TESMIN: variants seen among roughly 807,000 people sequenced by gnomAD.
TESMIN encodes CXC domain containing 2.
Under a neutral mutation model 47.4 loss-of-function variants are expected in TESMIN, and 34 were observed. The observed-to-expected ratio is 0.72, with a 90% CI of 0.55 to 0.96. The LOEUF (loss-of-function observed/expected upper bound fraction) is 0.96, where lower values mean the gene tolerates loss of function less well. Ranked by LOEUF, TESMIN falls within the 40% of genes least tolerant of loss-of-function variation. The pLI is 0.00. For synonymous variants in TESMIN, 278 were observed against 258.9 expected, an observed-to-expected ratio of 1.07 and a Z score of -0.71; for missense variants, 610 against 637.2, an observed-to-expected ratio of 0.96 and a Z score of 0.46.
At chr11:68,713,732 G>C (rs1488683055) in intron 7 of TESMIN, among the ~76,000 whole-genome samples, 1 of 152,008 alleles carries the variant, frequency 6.6e-6, no homozygotes, top group African/African-American at 2.4e-5. Flanking sequence ...GCATTTCTGG[G>C]GCCCTCTTTC....
chr11:68,746,340 T>C (rs1946520331), intron 3 of TESMIN, among the ~76,000 whole-genome samples: 2 of 152,202 alleles, frequency 1.3e-5, no homozygotes, highest in South Asian at 4.1e-4. Flanking sequence ...CTCATCCTGC[T>C]GACCTGCTTT....
intron 6 of TESMIN, chr11:68,736,419 A>G: frequency 1.0e-6 from 1 of 985,464 alleles, no homozygotes; most frequent in Non-Finnish European, 1.2e-6. Context: ...TATAGGTTAG[A>G]TATGGCTGAA....
At chr11:68,750,924 G>T (rs1395241032) in intron 1 of TESMIN, among the ~76,000 whole-genome samples, 1 of 136,252 alleles carries the variant, frequency 7.3e-6, no homozygotes, top group Non-Finnish European at 1.6e-5. Flanking sequence ...GACCAGATGA[G>T]GGGCGATTAG....
chr11:68,718,080 GCAGGCCCAGTCAGCCCACACCTCAGCTA>G (rs771333343), intron 6 of TESMIN, among the ~76,000 whole-genome samples: 9,538 of 150,956 alleles, frequency 0.063, 339 homozygotes, highest in Middle Eastern at 0.15. Context: ...CAGTGCACCT[GCAGGCCCAGTCAGCCCACACCTCAGCTA>G]CAGCCCCCAG....
intron 6 of TESMIN, among the ~76,000 whole-genome samples, chr11:68,728,333 T>C (rs1404850514): frequency 6.6e-6 from 1 of 152,174 alleles, no homozygotes; most frequent in Non-Finnish European, 1.5e-5. Context: ...GGACAAAGCC[T>C]AATCCAGAGC....
At chr11:68,738,629 A>G in intron 6 of TESMIN, 71 bp downstream of exon 6, 1 of 1,594,652 alleles carries the variant, frequency 6.3e-7, no homozygotes, top group Non-Finnish European at 8.5e-7. Flanking sequence ...TATAGAAGAA[A>G]ATCGTGAACG....
intron 6 of TESMIN, among the ~76,000 whole-genome samples, chr11:68,716,435 T>G (rs979349410): frequency 1.3e-5 from 2 of 152,232 alleles, no homozygotes; most frequent in African/African-American, 4.8e-5. Flanking sequence ...TTAACTCGCT[T>G]TCATTCTGTG....
At chr11:68,709,242 C>T (rs573795978) in intron 9 of TESMIN, among the ~76,000 whole-genome samples, 7 of 152,276 alleles carry the variant, frequency 4.6e-5, no homozygotes, top group South Asian at 2.1e-4. Flanking sequence ...GTGTCAAGCA[C>T]GTGGGCCAGG....
intron 9 of TESMIN, among the ~76,000 whole-genome samples, chr11:68,709,785 A>G (rs1351654657): frequency 1.3e-5 from 2 of 152,234 alleles, no homozygotes; most frequent in African/African-American, 4.8e-5. Context: ...CGGACTCCAC[A>G]GAACACACAT....
chr11:68,728,359 G>A (rs1347046485), intron 6 of TESMIN, among the ~76,000 whole-genome samples: 1 of 152,210 alleles, frequency 6.6e-6, no homozygotes, highest in Non-Finnish European at 1.5e-5. Flanking sequence ...CCTAATGCTT[G>A]TCAATTCCGT....
At chr11:68,749,095 G>A (rs1171220632) in intron 2 of TESMIN, among the ~76,000 whole-genome samples, 4 of 152,210 alleles carry the variant, frequency 2.6e-5, no homozygotes, top group African/African-American at 9.7e-5. Context: ...AGGAGGCGCT[G>A]GACACCAATC....
At position 68,715,780 on chromosome 11, in the gene TESMIN, C is replaced by T. The variant is rs555435969; in HGVS notation, c.1020+57G>A. 131 of 1,252,380 alleles carry T rather than the reference C, an allele frequency of 1.0e-4. No individual in the cohort carries two copies. The African/African-American group carries it at 1.9e-3, about 18-fold the overall frequency. The allele number at this position is 1,252,380 out of a possible 1,614,324, so 77.6% of individuals were successfully genotyped here. ...GAATCTCTGAAGGTGATTTTATGAA[C>T]ATCTCAAACAGTTTGAAATGCTTTT... is the stretch of plus-strand genomic sequence containing the variant. On this transcript the variant is annotated intron_variant, in intron 7 of 9. Transcript: ENST00000255087.
At chr11:68,751,074 C>T in intron 1 of TESMIN, among the ~76,000 whole-genome samples, 1 of 93,638 alleles carries the variant, frequency 1.1e-5, no homozygotes, top group Non-Finnish European at 2.2e-5. Context: ...GGGGAGGGGG[C>T]CAGGTGAGGG....
intron 4 of TESMIN, 78 bp downstream of exon 4, chr11:68,744,913 C>T (rs948330746): frequency 5.5e-6 from 7 of 1,274,948 alleles, no homozygotes; most frequent in Non-Finnish European, 7.4e-6. Context: ...TGCCATTTCA[C>T]TTTATATACA....
intron 6 of TESMIN, among the ~76,000 whole-genome samples, chr11:68,730,248 T>A (rs1946311154): frequency 6.6e-6 from 1 of 152,232 alleles, no homozygotes; most frequent in Non-Finnish European, 1.5e-5. Context: ...TTGTGTGACT[T>A]GCTTTATTGT....
intron 6 of TESMIN, among the ~76,000 whole-genome samples, chr11:68,727,456 C>CA (rs928868519): frequency 1.3e-5 from 2 of 151,646 alleles, no homozygotes; most frequent in African/African-American, 2.4e-5. Flanking sequence ...AAAAACAAAA[C>CA]AAAAAAACAA....
intron 6 of TESMIN, among the ~76,000 whole-genome samples, chr11:68,721,318 C>T (rs1946200679): frequency 6.6e-6 from 1 of 152,142 alleles, no homozygotes; most frequent in South Asian, 2.1e-4. Flanking sequence ...GTTTCCTCTG[C>T]CTACAACACT....
intron 6 of TESMIN, among the ~76,000 whole-genome samples, chr11:68,723,813 C>T (rs1172952246): frequency 6.6e-6 from 1 of 151,906 alleles, no homozygotes; most frequent in African/African-American, 2.4e-5. Flanking sequence ...TATAAAATAT[C>T]AAAATTGACT....
intron 6 of TESMIN, among the ~76,000 whole-genome samples, chr11:68,725,516 A>G (rs1946251731): frequency 6.6e-6 from 1 of 152,080 alleles, no homozygotes; most frequent in African/African-American, 2.4e-5. Context: ...TGGCTTGCTG[A>G]GAGGGTGATG....
Sources: allele counts gnomAD v4.1 joint callset (sites outside exome capture counted in the v4.1 genomes callset), GRCh38; gene constraint gnomAD v4.1.1; transcripts MANE v1.5; gene names NCBI Gene and HGNC (gene_info 2026-07-23, HGNC 2026-07-21).